Variants in ATAD2 observed in about 807,000 individuals in gnomAD.
The protein encoded by ATAD2 is ATPase family AAA domain containing 2.
ATAD2 carries 62 observed loss-of-function variants against 168.9 expected under a neutral mutation model. That is an observed-to-expected ratio of 0.37 (90% CI 0.30 to 0.45). The LOEUF (loss-of-function observed/expected upper bound fraction) is 0.45, where lower values mean the gene tolerates loss of function less well. Among genes scored for constraint, ATAD2 ranks in the 20% least tolerant of loss-of-function variants. The probability of loss-of-function intolerance (pLI) is 1.00; values close to 1 mark genes in which losing one functional copy is unlikely to be tolerated. For missense variants in ATAD2, 1,419 were observed against 1,667.8 expected, an observed-to-expected ratio of 0.85 and a Z score of 2.60; for synonymous variants, 613 against 571.6, an observed-to-expected ratio of 1.07 and a Z score of -1.03.
rs141175225 is a variant in ATAD2 at position 123,347,663 on chromosome 8, T to C, written c.1898-257A>G. Among the ~76,000 whole-genome samples, 90 of 151,454 alleles carry C rather than the reference T, an allele frequency of 5.9e-4. No individual in the cohort carries two copies. The East Asian group carries it at 0.015, about 26-fold the overall frequency. On this transcript the variant is annotated intron_variant, in intron 15 of 27. Coordinates refer to ENST00000287394, the MANE Select transcript of ATAD2 (RefSeq NM_014109.4). Reference sequence around the variant, plus strand: ...ATAGCACAGAGGTCAAAAGCAAGAGTTTTAAAATCACACAGACTAGATTCA... The same window carrying C: ...ATAGCACAGAGGTCAAAAGCAAGAGCTTTAAAATCACACAGACTAGATTCA...
At chr8:123,394,908 T>A (rs1007230704) in intron 1 of ATAD2, among the ~76,000 whole-genome samples, 2 of 152,238 alleles carry the variant, frequency 1.3e-5, no homozygotes, top group Non-Finnish European at 2.9e-5. Flanking sequence ...TTTCAGAGAC[T>A]GAAGGGAGTG....
At chr8:123,367,910 G>T (rs929513847) in intron 8 of ATAD2, among the ~76,000 whole-genome samples, 2 of 152,168 alleles carry the variant, frequency 1.3e-5, no homozygotes, top group African/African-American at 4.8e-5. Flanking sequence ...AACATGATCA[G>T]ATGGTCTGTC....
chr8:123,349,118 A>G (rs920561938), intron 14 of ATAD2, among the ~76,000 whole-genome samples, 167 bp downstream of exon 14: 1 of 152,238 alleles, frequency 6.6e-6, no homozygotes, highest in Non-Finnish European at 1.5e-5. Context: ...AGGCATTATT[A>G]TATTTAAAGA....
intron 1 of ATAD2, among the ~76,000 whole-genome samples, chr8:123,389,961 T>TATATATAC (rs1554647647): frequency 5.6e-5 from 1 of 17,974 alleles, no homozygotes; most frequent in Non-Finnish European, 2.6e-4. Context: ...ACTATTATTT[T>TATATATAC]ATATATATAT....
intron 13 of ATAD2, among the ~76,000 whole-genome samples, chr8:123,353,437 AT>A (rs572719990): frequency 6.6e-6 from 1 of 151,974 alleles, no homozygotes; most frequent in African/African-American, 2.4e-5. Flanking sequence ...TAAAAAAGTG[AT>A]TTTTTTTAGG....
intron 19 of ATAD2, among the ~76,000 whole-genome samples, chr8:123,340,131 C>T (rs1828024162): frequency 6.6e-6 from 1 of 152,126 alleles, no homozygotes; most frequent in Non-Finnish European, 1.5e-5. Context: ...CTTAAGTGAT[C>T]CTCCTGCCCT....
At chr8:123,404,169 G>A (rs1813040537) in intron 1 of ATAD2, among the ~76,000 whole-genome samples, 1 of 152,108 alleles carries the variant, frequency 6.6e-6, no homozygotes, top group African/African-American at 2.4e-5. Flanking sequence ...TCCTTCATAT[G>A]CCCGTTTCCT....
chr8:123,356,805 T>A (rs114978907), intron 12 of ATAD2, among the ~76,000 whole-genome samples: 1,733 of 151,966 alleles, frequency 0.011, 34 homozygotes, highest in African/African-American at 0.039. Flanking sequence ...TTATAATTTA[T>A]AAATTTAAAC....
chr8:123,401,742 C>T lies in ATAD2; in HGVS notation c.-2281-567G>A, dbSNP rs532170355. 11 of 746,560 alleles carry T rather than the reference C, an allele frequency of 1.5e-5. No individual in the cohort carries two copies. In the African/African-American group the frequency reaches 1.5e-4, roughly 10 times the overall value. The allele number at this position is 746,560 out of a possible 1,614,324, so 46.2% of individuals were successfully genotyped here. On this transcript the variant is annotated intron_variant, in intron 1 of 28. Transcript: ENST00000521903. The stretch of plus-strand genomic sequence containing the variant: ...GTGATGATGGGCTCCCTGCTGGCTG[C>T]CACCTCGGAGGCCCCCAGCGAATAG...
At chr8:123,401,309 G>C, upstream of ATAD2, 1 of 1,313,956 alleles carries the variant, frequency 7.6e-7, no homozygotes, top group Admixed American at 1.7e-5. Context: ...CAGCTGCTGT[G>C]TGGGGCAGCT....
chr8:123,328,423 T>C lies in ATAD2; in HGVS notation c.3635A>G (p.His1212Arg). The stretch of plus-strand genomic sequence containing the variant: ...CTCTCCTGTGTTTCCGGTCTCATTA[T>C]GATCTACACTTGTGTCTTGAGTTTC... The part of the protein sequence containing the change: ...TEETQDTSVD[H>R]NETGNTGESS... The change falls in exon 25 of 28, where the codon CAT becomes CGT. Residue 1212 changes from histidine to arginine, a missense_variant. By Grantham distance (29) the His-to-Arg change is conservative. This residue lies in a region of ATAD2 where 303 missense variants were observed against 304.3 expected (regional missense o/e 1.00). Transcript: ENST00000287394. 6.3e-7 allele frequency: 1 copy of C among 1,578,898 alleles called. No individual in the cohort carries two copies. The highest frequency in any genetic ancestry group is 8.6e-7 in the Non-Finnish European group (1 of 1,162,006).
Position 123,334,257 on chromosome 8 carries a change from G to A in ATAD2, c.3277C>T (p.Leu1093Phe), listed in dbSNP as rs749873898. The change falls in exon 23 of 28, where the codon CTT becomes TTT. Residue 1093 changes from leucine to phenylalanine, a missense_variant. Leu to Phe is a conservative substitution (Grantham distance 22). Coordinates refer to ENST00000287394, the MANE Select transcript of ATAD2 (RefSeq NM_014109.4). ...CAGAGCTGCTCAAAGTCTTCATCAA[G>A]TTCTTCTTTAATTATGGCATAGGCA... ...DTAYAIIKEE[L>F]DEDFEQLCEE... 14 of 1,603,476 alleles carry A rather than the reference G, an allele frequency of 8.7e-6. No individual in the cohort carries two copies. The highest frequency in any genetic ancestry group is 1.2e-5 in the Non-Finnish European group (14 of 1,177,432).
rs542427047 is a variant in ATAD2, at chr8:123,343,733, C to CA, written c.2718+1150dup. On this transcript the variant is annotated intron_variant, in intron 19 of 27. Transcript: ENST00000287394. The stretch of plus-strand genomic sequence containing the variant: ...TGTACTTTACATTCTGATGGGGAAA[C>CA]AGAGTCAAGCAAATTAATATTTAAT... 1.6e-4 allele frequency among the ~76,000 whole-genome samples: 24 copies of CA among 152,104 alleles called. No homozygotes were observed. In the East Asian group the frequency reaches 4.0e-3, roughly 26 times the overall value.
At chr8:123,321,272 T>C in intron 27 of ATAD2, 97 bp from the exon 28 acceptor site, 4 of 1,043,784 alleles carry the variant, frequency 3.8e-6, no homozygotes, top group Non-Finnish European at 5.7e-6. Context: ...TTAAGAATAT[T>C]AATATTCAGG....
chr8:123,369,252 G>A (rs1167316947), intron 7 of ATAD2, 77 bp from the exon 8 acceptor site: 1 of 514,940 alleles, frequency 1.9e-6, no homozygotes, highest in African/African-American at 2.1e-5. Context: ...AGATAATTTT[G>A]CTCTTCATCT....
At chr8:123,373,692 G>A (rs902298344) in intron 2 of ATAD2, among the ~76,000 whole-genome samples, 21 of 151,050 alleles carry the variant, frequency 1.4e-4, no homozygotes, top group African/African-American at 5.1e-4. Context: ...AGAAGGCTGA[G>A]GCAGGAGAAT....
chr8:123,395,878 G>A (rs1017560986), intron 1 of ATAD2, among the ~76,000 whole-genome samples: 2 of 152,196 alleles, frequency 1.3e-5, no homozygotes, highest in East Asian at 1.9e-4. Flanking sequence ...GGAGTGGGGG[G>A]TCGTGCGGGC....
In ATAD2 at chr8:123,351,748, GTT is replaced by G. The variant is rs987980082; in HGVS notation, c.1647-2306_1647-2305del. 2.6e-3 allele frequency among the ~76,000 whole-genome samples: 355 copies of G among 134,646 alleles called. 2 individuals are homozygous for G. Among genetic ancestry groups the G allele is most frequent in the African/African-American group, 9.0e-3 (326 of 36,372 alleles). The allele number at this position is 134,646 out of a possible 152,430, so 88.3% of individuals were successfully genotyped here. A position where few individuals can be genotyped will look rare whatever the true frequency, so the allele number is the denominator to read the frequency against. On this transcript the variant is annotated intron_variant, in intron 13 of 27. Transcript: ENST00000287394. ...ATTAAAAACATTATTAAAAACTGAT[GTT>G]TTTTTTTTTTTTTTTGAGACGGAGT...
chr8:123,386,208 C>A (rs987427318), intron 1 of ATAD2, among the ~76,000 whole-genome samples: 2 of 152,154 alleles, frequency 1.3e-5, no homozygotes, highest in African/African-American at 4.8e-5. Context: ...CAGGGACTTG[C>A]ACAAATATTT....
Sources: allele counts gnomAD v4.1 joint callset (sites outside exome capture counted in the v4.1 genomes callset), GRCh38; gene constraint gnomAD v4.1.1; regional missense constraint gnomAD v4.1.1; transcripts MANE v1.5; gene names NCBI Gene and HGNC (gene_info 2026-07-23, HGNC 2026-07-21).